Variants in SLC5A12 observed in about 807,000 individuals in gnomAD.
The protein encoded by SLC5A12 is solute carrier family 5 member 12.
SLC5A12 carries 46 observed loss-of-function variants against 72.7 expected under a neutral mutation model. The ratio of observed to expected loss-of-function variants is 0.63; its 90% confidence interval spans 0.50 to 0.81. The LOEUF (loss-of-function observed/expected upper bound fraction) is 0.81. Ranked by LOEUF, SLC5A12 falls within the 30% of genes least tolerant of loss-of-function variation. The pLI, the probability that SLC5A12 is intolerant of heterozygous loss-of-function variation, is 0.00. For missense variants in SLC5A12, 683 were observed against 740.7 expected (o/e 0.92, Z 0.90); for synonymous variants, 275 against 264.4 (o/e 1.04, Z -0.39).
intron 1 of SLC5A12, among the ~76,000 whole-genome samples, chr11:26,717,039 T>G (rs180758293): frequency 6.6e-6 from 1 of 152,266 alleles, no homozygotes; most frequent in Admixed American, 6.5e-5. Context: ...CAACAAATAT[T>G]ATATAGCACC....
chr11:26,679,107 T>C (rs898614113), intron 12 of SLC5A12, among the ~76,000 whole-genome samples: 1 of 152,138 alleles, frequency 6.6e-6, no homozygotes, highest in African/African-American at 2.4e-5. Context: ...TTCAGACTTT[T>C]ATTAAGCCCA....
At chr11:26,708,524 A>G (rs1014461261) in intron 4 of SLC5A12, among the ~76,000 whole-genome samples, 11 of 152,118 alleles carry the variant, frequency 7.2e-5, no homozygotes, top group Admixed American at 6.6e-4. Context: ...ACCAAAATAC[A>G]TGAATCATCT....
At chr11:26,693,500 G>T (rs755558676) in intron 8 of SLC5A12, among the ~76,000 whole-genome samples, 3 of 152,162 alleles carry the variant, frequency 2.0e-5, no homozygotes, top group African/African-American at 7.2e-5. Flanking sequence ...ACTTGCTTAG[G>T]TGACAGAGGA....
At chr11:26,677,801 G>T (rs1854299040) in intron 13 of SLC5A12, among the ~76,000 whole-genome samples, 1 of 152,080 alleles carries the variant, frequency 6.6e-6, no homozygotes, top group Admixed American at 6.6e-5. Flanking sequence ...TGCCATTCAG[G>T]TTTTGTGTTG....
intron 8 of SLC5A12, among the ~76,000 whole-genome samples, chr11:26,696,779 T>C (rs191384113): frequency 1.3e-5 from 2 of 152,152 alleles, no homozygotes; most frequent in Non-Finnish European, 2.9e-5. Flanking sequence ...TGTAGCCAAA[T>C]GAATGAGAAG....
At position 26,671,063 on chromosome 11, in the gene SLC5A12, G is replaced by A. The variant is rs749739389; in HGVS notation, c.*39C>T. 1.9e-5 allele frequency: 30 copies of A among 1,548,640 alleles called. No homozygotes were observed. Among genetic ancestry groups the A allele is most frequent in the Non-Finnish European group, 2.5e-5 (28 of 1,134,258 alleles). ...ATGTGGAGTTTGTGTGTGTGTGTGT[G>A]TATTGCACGTGTGTGTGTGCATTCA... On this transcript the variant is annotated 3_prime_UTR_variant, in exon 15 of 15. Coordinates refer to ENST00000396005, the MANE Select transcript of SLC5A12 (RefSeq NM_178498.4).
chr11:26,674,090 C>T (rs1854208663), intron 13 of SLC5A12, among the ~76,000 whole-genome samples: 1 of 152,100 alleles, frequency 6.6e-6, no homozygotes, highest in East Asian at 1.9e-4. Context: ...TGTTCAATGT[C>T]CTATTTCTTC....
chr11:26,689,232 C>CT (rs1854608563), intron 9 of SLC5A12, among the ~76,000 whole-genome samples: 1 of 152,042 alleles, frequency 6.6e-6, no homozygotes, highest in East Asian at 1.9e-4. Context: ...CCCGTTTCTA[C>CT]TAAAAAAATA....
At chr11:26,686,617 C>A in intron 9 of SLC5A12, 73 bp from the exon 10 acceptor site, 1 of 1,331,046 alleles carries the variant, frequency 7.5e-7, no homozygotes, top group Non-Finnish European at 1.1e-6. Flanking sequence ...TGAGCCCCCA[C>A]TCAGAACTGT....
intron 14 of SLC5A12, among the ~76,000 whole-genome samples, chr11:26,671,614 T>C (rs1854146362): frequency 6.6e-6 from 1 of 152,090 alleles, no homozygotes; most frequent in African/African-American, 2.4e-5. Context: ...TACCTGGGAA[T>C]AGGAGAGTCT....
Position 26,690,778 on chromosome 11 carries a change from G to A in SLC5A12, c.1153+1711C>T, listed in dbSNP as rs1322695357. The stretch of plus-strand genomic sequence containing the variant: ...GCCAAGATCATGCCATGGCCAACAA[G>A]AGTGAAACTCTGTCTCAAAAAAAAA... On this transcript the variant is annotated intron_variant, in intron 9 of 14. Transcript: ENST00000396005. 4.1e-5 allele frequency among the ~76,000 whole-genome samples: 6 copies of A among 146,428 alleles called. No individual in the cohort carries two copies. The East Asian group carries it at 1.2e-3, about 29-fold the overall frequency.
intron 13 of SLC5A12, among the ~76,000 whole-genome samples, chr11:26,677,973 C>T (rs1436048794): frequency 6.6e-6 from 1 of 152,120 alleles, no homozygotes; most frequent in South Asian, 2.1e-4. Context: ...CACTACCAAC[C>T]CCTCATGGGC....
chr11:26,683,961 G>T, intron 10 of SLC5A12, 118 bp from the exon 11 acceptor site: 1 of 685,890 alleles, frequency 1.5e-6, no homozygotes. Flanking sequence ...TGTGCCATTT[G>T]TTAATTATGT....
chr11:26,673,458 T>C lies in SLC5A12; in HGVS notation c.1651A>G (p.Lys551Glu). ...CACCAGCATAGTGTTTTGTACTTCT[T>C]AGACCAAAAGCAAAATAAATTACAA... ...PVCNLFCFWSKKYKTLCWCGV... is the reference protein window; with the variant it reads ...PVCNLFCFWSEKYKTLCWCGV... The change falls in exon 14 of 15, where the codon AAG (lysine) becomes GAG (glutamate). Residue 551 changes from lysine to glutamate, a missense_variant. Coordinates refer to ENST00000396005, the MANE Select transcript of SLC5A12 (RefSeq NM_178498.4). 6.2e-7 allele frequency: 1 copy of C among 1,612,180 alleles called. No homozygotes were observed. The highest frequency in any genetic ancestry group is 8.5e-7 in the Non-Finnish European group (1 of 1,179,052).
intron 6 of SLC5A12, among the ~76,000 whole-genome samples, chr11:26,699,753 C>T (rs1854914345): frequency 6.6e-6 from 1 of 152,124 alleles, no homozygotes; most frequent in Admixed American, 6.5e-5. Flanking sequence ...GTAACAGTCA[C>T]TTCCTGCTCT....
At chr11:26,686,657 TCAGCGAGGAC>T in intron 9 of SLC5A12, 113 bp from the exon 10 acceptor site, 1 of 863,816 alleles carries the variant, frequency 1.2e-6, no homozygotes, top group Non-Finnish European at 1.9e-6. Flanking sequence ...CAAAGGGATC[TCAGCGAGGAC>T]CATCCTCCCC....
Position 26,692,618 on chromosome 11 carries a change from G to A in SLC5A12, c.1041-17C>T. 1 of 1,575,212 alleles carries A rather than the reference G, an allele frequency of 6.3e-7. No homozygotes were observed. Among genetic ancestry groups the A allele is most frequent in the Non-Finnish European group, 8.7e-7 (1 of 1,144,628 alleles). On this transcript the variant is annotated splice_polypyrimidine_tract_variant and intron_variant, in intron 8 of 14. Transcript: ENST00000396005. ...GCCACGGTGCTATAAGGAAAGAAAA[G>A]TGAGAACATGGTCTAAGCTATATAA...
chr11:26,715,533 C>A (rs1322152299), intron 1 of SLC5A12, among the ~76,000 whole-genome samples: 1 of 152,106 alleles, frequency 6.6e-6, no homozygotes, highest in African/African-American at 2.4e-5. Flanking sequence ...TAATTGGCAT[C>A]TTTTTCTTCT....
At chr11:26,680,292 T>C in intron 12 of SLC5A12, among the ~76,000 whole-genome samples, 1 of 115,962 alleles carries the variant, frequency 8.6e-6, no homozygotes, top group African/African-American at 2.8e-5. Flanking sequence ...TTTATATATA[T>C]GTATATATAT....
Sources: allele counts gnomAD v4.1 joint callset (sites outside exome capture counted in the v4.1 genomes callset), GRCh38; gene constraint gnomAD v4.1.1; transcripts MANE v1.5; gene names NCBI Gene and HGNC (gene_info 2026-07-23, HGNC 2026-07-21).